The following ATP9A variants were observed in gnomAD, a reference collection of about 807,000 sequenced individuals.
ATP9A encodes ATPase phospholipid transporting 9A.
A neutral mutation model predicts 144.1 loss-of-function variants in ATP9A; 52 were observed. The observed-to-expected ratio is 0.36, with a 90% confidence interval of 0.29 to 0.45. ATP9A has a LOEUF of 0.45. Among genes scored for constraint, ATP9A ranks in the 20% least tolerant of loss-of-function variants. ATP9A has a pLI of 1.00. For synonymous variants in ATP9A, 582 were observed against 557.4 expected, an observed-to-expected ratio of 1.04 and a Z score of -0.62; for missense variants, 947 against 1,392.7, an observed-to-expected ratio of 0.68 and a Z score of 5.09.
At chr20:51,718,814 C>CA (rs71192550) in intron 3 of ATP9A, among the ~76,000 whole-genome samples, 11 of 57,690 alleles carry the variant, frequency 1.9e-4, no homozygotes, top group Non-Finnish European at 2.4e-4. Flanking sequence ...GACTCCATCT[C>CA]AAAAAAAAAA....
chr20:51,767,291 C>G (rs2077909009), intron 1 of ATP9A, among the ~76,000 whole-genome samples: 1 of 152,196 alleles, frequency 6.6e-6, no homozygotes, highest in South Asian at 2.1e-4. Flanking sequence ...CCAGCCTCAC[C>G]TGCGCGGCCT....
At chr20:51,663,921 TGTTGTGTGTAGAAAAA>T (rs1264655172) in intron 13 of ATP9A, among the ~76,000 whole-genome samples, 1 of 152,142 alleles carries the variant, frequency 6.6e-6, no homozygotes, top group Non-Finnish European at 1.5e-5. Context: ...TGTGTATATA[TGTTGTGTGTAGAAAAA>T]TAAATCACAA....
At chr20:51,707,660 C>T (rs947624006) in intron 4 of ATP9A, among the ~76,000 whole-genome samples, 1 of 152,134 alleles carries the variant, frequency 6.6e-6, no homozygotes, top group Non-Finnish European at 1.5e-5. Flanking sequence ...TGCTCAGAAC[C>T]GAGAATGCAG....
At position 51,745,263 on chromosome 20, in the gene ATP9A, T is replaced by TC. The variant is rs1322294580; in HGVS notation, c.69-15286dup. 8.2e-3 allele frequency among the ~76,000 whole-genome samples: 1,033 copies of TC among 126,194 alleles called. 12 individuals are homozygous for TC. Among genetic ancestry groups the TC allele is most frequent in the African/African-American group, 0.03 (974 of 32,260 alleles). 82.8% of individuals were successfully genotyped at this position (126,194 alleles called of 152,430 possible). On this transcript the variant is annotated intron_variant, in intron 1 of 27. Coordinates refer to ENST00000338821, the MANE Select transcript of ATP9A (RefSeq NM_006045.3). ...GCCTGGGTGACAGAGCGAGACTCCG[T>TC]CTAAAAAAAAAAAAAAAAAAAATTA...
At chr20:51,644,881 T>C (rs1182863568) in intron 14 of ATP9A, among the ~76,000 whole-genome samples, 1 of 152,164 alleles carries the variant, frequency 6.6e-6, no homozygotes, top group Non-Finnish European at 1.5e-5. Context: ...GATACTGGGC[T>C]TCCAGGAGAT....
At chr20:51,693,270 G>A (rs897113062) in intron 7 of ATP9A, among the ~76,000 whole-genome samples, 1 of 152,368 alleles carries the variant, frequency 6.6e-6, no homozygotes, top group East Asian at 1.9e-4. Flanking sequence ...CAAAAGCTCA[G>A]TGGAGTGCGG....
intron 1 of ATP9A, among the ~76,000 whole-genome samples, chr20:51,765,127 ACTT>A (rs1568852445): frequency 6.6e-6 from 1 of 152,014 alleles, no homozygotes; most frequent in South Asian, 2.1e-4. Context: ...ATTACATATT[ACTT>A]TTTTCTTCCT....
chr20:51,616,740 CAG>C (rs1451669304), intron 22 of ATP9A, among the ~76,000 whole-genome samples: 1 of 152,078 alleles, frequency 6.6e-6, no homozygotes, highest in African/African-American at 2.4e-5. Flanking sequence ...GAGAAAAAGA[CAG>C]AAAAAATATT....
chr20:51,609,415 C>T (rs919579330), intron 24 of ATP9A, among the ~76,000 whole-genome samples: 4 of 152,126 alleles, frequency 2.6e-5, no homozygotes, highest in African/African-American at 9.7e-5. Flanking sequence ...TTCCCGCACC[C>T]GCCGTCTCCT....
At position 51,602,687 on chromosome 20, in the gene ATP9A, T is replaced by C. The variant is rs1172938669; in HGVS notation, c.3008-1340A>G. Among the ~76,000 whole-genome samples, 4 of 152,290 alleles carry C rather than the reference T, an allele frequency of 2.6e-5. No homozygotes were observed. In the East Asian group the frequency reaches 7.7e-4, roughly 29 times the overall value. Reference sequence around the variant, plus strand: ...GTTTCTTTTACCTTTACTAAAACCTTCCTAAGGAGCTTTGGAAGCTGGCAA... The same window carrying C: ...GTTTCTTTTACCTTTACTAAAACCTCCCTAAGGAGCTTTGGAAGCTGGCAA... On this transcript the variant is annotated intron_variant, in intron 27 of 27. Coordinates refer to ENST00000338821, the MANE Select transcript of ATP9A (RefSeq NM_006045.3).
At chr20:51,658,216 T>C (rs2077395170) in intron 13 of ATP9A, among the ~76,000 whole-genome samples, 2 of 152,032 alleles carry the variant, frequency 1.3e-5, no homozygotes, top group Non-Finnish European at 2.9e-5. Flanking sequence ...TACCAGCACT[T>C]TGGGAGGCCA....
intron 1 of ATP9A, among the ~76,000 whole-genome samples, chr20:51,757,399 C>T (rs1268346717): frequency 6.6e-6 from 1 of 152,140 alleles, no homozygotes; most frequent in Non-Finnish European, 1.5e-5. Context: ...GAGCAGGGCA[C>T]TGTTGACACT....
At chr20:51,630,726 G>A (rs868795806) in intron 15 of ATP9A, among the ~76,000 whole-genome samples, 28 of 152,080 alleles carry the variant, frequency 1.8e-4, no homozygotes, top group African/African-American at 5.8e-4. Flanking sequence ...TGCATCTCAG[G>A]TGCAAATGCG....
intron 1 of ATP9A, among the ~76,000 whole-genome samples, chr20:51,740,814 A>G (rs1337817437): frequency 2.6e-5 from 4 of 151,668 alleles, no homozygotes; most frequent in African/African-American, 7.3e-5. Flanking sequence ...GTCTCAAGCA[A>G]TCCTCCCAGT....
intron 13 of ATP9A, among the ~76,000 whole-genome samples, chr20:51,658,894 G>GCGGGGGC (rs1568807189): frequency 8.9e-6 from 1 of 112,400 alleles, no homozygotes; most frequent in Non-Finnish European, 1.9e-5. Context: ...CTGGCGGGGG[G>GCGGGGGC]GGGGGGGGGA....
At chr20:51,677,804 A>C (rs926052644) in intron 9 of ATP9A, among the ~76,000 whole-genome samples, 2 of 141,304 alleles carry the variant, frequency 1.4e-5, no homozygotes, top group African/African-American at 5.1e-5. Context: ...TCAAGAAATC[A>C]ACATGGCCAG....
In ATP9A at chr20:51,650,180, C is replaced by T. The variant is rs541620792; in HGVS notation, c.1506+6758G>A. 2.0e-5 allele frequency among the ~76,000 whole-genome samples: 3 copies of T among 152,288 alleles called. No individual in the cohort carries two copies. In the South Asian group the frequency reaches 6.2e-4, roughly 32 times the overall value. ...TCCTGGCACATTTGTAAAAACTGAG[C>T]TACTAAAAGCAAAGTGTAAAGCTGC... is the stretch of plus-strand genomic sequence containing the variant. On this transcript the variant is annotated intron_variant, in intron 14 of 27. Coordinates refer to ENST00000338821, the MANE Select transcript of ATP9A (RefSeq NM_006045.3).
At chr20:51,654,850 A>C (rs968460230) in intron 14 of ATP9A, among the ~76,000 whole-genome samples, 4 of 152,196 alleles carry the variant, frequency 2.6e-5, no homozygotes, top group African/African-American at 9.6e-5. Context: ...GAGGCACAGC[A>C]AGCATAAGTA....
Position 51,628,873 on chromosome 20 carries a change from T to C in ATP9A, c.1761+107A>G, listed in dbSNP as rs1373165330. On this transcript the variant is annotated intron_variant, in intron 16 of 27. Transcript: ENST00000338821. ...AGCAGCTGCATTTCAGGGTGGTTTG[T>C]TACACAGCCACCGATAACAAATACA... 3.3e-6 allele frequency: 3 copies of C among 910,232 alleles called. No homozygotes were observed. The African/African-American group carries it at 4.9e-5, about 15-fold the overall frequency. 56.4% of individuals were successfully genotyped at this position (910,232 alleles called of 1,614,324 possible).
Sources: allele counts gnomAD v4.1 joint callset (sites outside exome capture counted in the v4.1 genomes callset), GRCh38; gene constraint gnomAD v4.1.1; transcripts MANE v1.5; gene names NCBI Gene and HGNC (gene_info 2026-07-23, HGNC 2026-07-21).